The following ADGB variants were observed in gnomAD, a reference collection of about 807,000 sequenced individuals.
ADGB encodes calpain-7-like protein.
A neutral mutation model predicts 210.5 loss-of-function variants in ADGB; 172 were observed. The observed-to-expected ratio is 0.82, with a 90% CI of 0.72 to 0.93. ADGB has a LOEUF of 0.93. Ranked by LOEUF, ADGB falls within the 40% of genes least tolerant of loss-of-function variation. The probability of loss-of-function intolerance (pLI) is 0.00; values close to 1 mark genes in which losing one functional copy is unlikely to be tolerated. For synonymous variants in ADGB, 658 were observed against 662.7 expected (o/e 0.99, Z 0.11); for missense variants, 2,025 against 1,964.8 (o/e 1.03, Z -0.58).
At position 146,635,382 on chromosome 6, in the gene ADGB, C is replaced by A; in HGVS notation, c.82C>A (p.Pro28Thr). Residue 28 changes from proline to threonine, a missense_variant, in exon 2 of 36, where the codon CCT (proline) becomes ACT (threonine). By Grantham distance (38) the Pro-to-Thr change is conservative. Coordinates refer to ENST00000397944, the MANE Select transcript of ADGB (RefSeq NM_024694.4). ...CTCTCTGTCTCTGTCTAGTTTCTAT[C>A]CTTTTGGCAGTAATGTACAATCTGG... Reference protein sequence around the residue: ...HGSDKSKDFYPFGSNVQSGST... With the variant: ...HGSDKSKDFYTFGSNVQSGST... 1 of 1,511,476 alleles carries A rather than the reference C, an allele frequency of 6.6e-7. No homozygotes were observed. The highest frequency in any genetic ancestry group is 1.3e-5 in the South Asian group (1 of 76,812). 93.6% of individuals were successfully genotyped at this position (1,511,476 alleles called of 1,614,324 possible).
chr6:146,779,761 C>A (rs1777772422), intron 29 of ADGB, among the ~76,000 whole-genome samples: 1 of 150,350 alleles, frequency 6.7e-6, no homozygotes, highest in African/African-American at 2.4e-5. Flanking sequence ...GAAAAAAAAA[C>A]AACTGAAAAT....
intron 1 of ADGB, among the ~76,000 whole-genome samples, chr6:146,617,142 C>T (rs971868816): frequency 6.6e-6 from 1 of 151,376 alleles, no homozygotes; most frequent in African/African-American, 2.4e-5. Context: ...TTTTAGTTTT[C>T]TTTGTAGAGA....
intron 1 of ADGB, among the ~76,000 whole-genome samples, chr6:146,620,928 G>C (rs1297681664): frequency 6.6e-6 from 1 of 152,010 alleles, no homozygotes; most frequent in Non-Finnish European, 1.5e-5. Context: ...GACATTCTTT[G>C]GTGGTTTTAG....
intron 14 of ADGB, among the ~76,000 whole-genome samples, chr6:146,716,392 C>A (rs1373554945): frequency 1.5e-4 from 19 of 127,880 alleles, no homozygotes; most frequent in African/African-American, 9.5e-4. Flanking sequence ...GAGATCGAGA[C>A]CATCCTGGCT....
In ADGB at chr6:146,753,493, T is replaced by C. The variant is rs143252409; in HGVS notation, c.3550+779T>C. Among the ~76,000 whole-genome samples the C allele has an allele frequency of 1.1e-3, 170 of 152,130 alleles. 1 individual carries two copies. The East Asian group carries it at 0.027, about 24-fold the overall frequency. ...CAAACCAAGGTTAAATAACTGATGA[T>C]GACGTATTTCCTTTTCTTAAGGAGG... On this transcript the variant is annotated intron_variant, in intron 27 of 35. Coordinates refer to ENST00000397944, the MANE Select transcript of ADGB (RefSeq NM_024694.4).
At chr6:146,673,108 A>G (rs1294045387) in intron 8 of ADGB, among the ~76,000 whole-genome samples, 1 of 152,204 alleles carries the variant, frequency 6.6e-6, no homozygotes, top group Non-Finnish European at 1.5e-5. Context: ...GACAAAATGT[A>G]GTATTCTGTT....
At chr6:146,703,989 G>A (rs1776531917) in intron 13 of ADGB, among the ~76,000 whole-genome samples, 2 of 151,396 alleles carry the variant, frequency 1.3e-5, no homozygotes, top group Middle Eastern at 3.4e-3. Context: ...TTGTATTCTC[G>A]ATAACAGCCA....
intron 23 of ADGB, among the ~76,000 whole-genome samples, chr6:146,737,024 C>T (rs1007935275): frequency 2.0e-5 from 3 of 151,724 alleles, no homozygotes; most frequent in Admixed American, 6.6e-5. Context: ...GTCAAGCTAA[C>T]CTGAAAAAAA....
chr6:146,726,173 C>T lies in ADGB; in HGVS notation c.2328C>T (p.His776=), dbSNP rs1312966552. The T allele has an allele frequency of 1.6e-5, 24 of 1,548,192 alleles. No individual in the cohort carries two copies. The East Asian group carries it at 3.4e-4, about 22-fold the overall frequency. ...SMVSFVIGDE[H]VVLPNFEPES... The stretch of plus-strand genomic sequence containing the variant: ...TGTCATTTGTCATTGGGGATGAACA[C>T]GTTGTACTGCCCAACTTTGAACCAG... Residue 776 remains histidine, a synonymous_variant, in exon 19 of 36, where the codon CAC becomes CAT. Coordinates refer to ENST00000397944, the MANE Select transcript of ADGB (RefSeq NM_024694.4).
intron 26 of ADGB, among the ~76,000 whole-genome samples, chr6:146,746,428 T>A (rs1777239185): frequency 6.6e-6 from 1 of 152,194 alleles, no homozygotes; most frequent in African/African-American, 2.4e-5. Flanking sequence ...TGTGGGGGTT[T>A]AATCAACCAA....
At chr6:146,669,826 T>C (rs1442855780) in intron 7 of ADGB, among the ~76,000 whole-genome samples, 1 of 152,110 alleles carries the variant, frequency 6.6e-6, no homozygotes, top group South Asian at 2.1e-4. Context: ...CTAAGTTACG[T>C]AGCTATGTGA....
chr6:146,606,293 T>C (rs758514815), intron 1 of ADGB, among the ~76,000 whole-genome samples: 2 of 152,228 alleles, frequency 1.3e-5, no homozygotes, highest in Non-Finnish European at 2.9e-5. Context: ...TTCTAGATAT[T>C]AAACTATTGT....
At chr6:146,804,515 C>T (rs1778181755) in intron 35 of ADGB, among the ~76,000 whole-genome samples, 1 of 152,200 alleles carries the variant, frequency 6.6e-6, no homozygotes, top group South Asian at 2.1e-4. Context: ...CGGTCAATAC[C>T]AATTGCATTC....
In ADGB at chr6:146,598,982, C is replaced by T; in HGVS notation, c.-59C>T. The T allele has an allele frequency of 6.8e-7, 1 of 1,463,846 alleles. No homozygotes were observed. The highest frequency in any genetic ancestry group is 2.0e-5 in the Admixed American group (1 of 50,498). 90.7% of individuals were successfully genotyped at this position (1,463,846 alleles called of 1,614,324 possible). A position where few individuals can be genotyped will look rare whatever the true frequency, so the allele number is the denominator to read the frequency against. ...GTCTCCTGGCAACGCAGACGCGGAG[C>T]CGAGCGCGCCCGCAGGCTCTTTGCT... On this transcript the variant is annotated 5_prime_UTR_variant, in exon 1 of 36. Coordinates refer to ENST00000397944, the MANE Select transcript of ADGB (RefSeq NM_024694.4).
chr6:146,668,715 G>T (rs763812849), intron 7 of ADGB, among the ~76,000 whole-genome samples: 1 of 152,072 alleles, frequency 6.6e-6, no homozygotes, highest in Non-Finnish European at 1.5e-5. Context: ...GAAATCATCA[G>T]AATTCTACCA....
At chr6:146,796,381 T>C (rs1778042702) in intron 33 of ADGB, among the ~76,000 whole-genome samples, 3 of 152,120 alleles carry the variant, frequency 2.0e-5, no homozygotes, top group South Asian at 2.1e-4. Flanking sequence ...AGAGCCTACA[T>C]AGTGAAAGCA....
At chr6:146,641,252 C>T (rs959314421) in intron 2 of ADGB, among the ~76,000 whole-genome samples, 3 of 150,852 alleles carry the variant, frequency 2.0e-5, no homozygotes, top group Non-Finnish European at 4.5e-5. Flanking sequence ...ACTGCTCAAA[C>T]AGAAACAAAT....
intron 3 of ADGB, among the ~76,000 whole-genome samples, chr6:146,648,132 C>T (rs1337883326): frequency 6.6e-6 from 1 of 151,946 alleles, no homozygotes; most frequent in African/African-American, 2.4e-5. Flanking sequence ...GTTTTTTACA[C>T]AAAATTATTA....
At chr6:146,673,127 GA>G (rs1776038931) in intron 8 of ADGB, among the ~76,000 whole-genome samples, 1 of 152,208 alleles carries the variant, frequency 6.6e-6, no homozygotes, top group South Asian at 2.1e-4. Context: ...TTGATTTAAA[GA>G]AAGTTATACT....
Sources: gnomAD v4.1 joint callset for allele counts (sites outside exome capture counted in the v4.1 genomes callset) on GRCh38, gnomAD v4.1.1 for gene constraint, MANE v1.5 for transcripts, NCBI Gene and HGNC (gene_info 2026-07-23, HGNC 2026-07-21) for gene names.